The following PBX1 variants were observed in gnomAD, a reference collection of about 807,000 sequenced individuals.
The protein encoded by PBX1 is pre-B-cell leukemia transcription factor 1.
Under a neutral mutation model 53.4 loss-of-function variants are expected in PBX1, and 6 were observed. That is an observed-to-expected ratio of 0.11 (90% CI 0.06 to 0.22). The LOEUF is 0.22. PBX1 is among the 10% of genes least tolerant of loss of function. The probability of loss-of-function intolerance (pLI) is 1.00; values close to 1 mark genes in which losing one functional copy is unlikely to be tolerated. For missense variants in PBX1, 251 were observed against 551.4 expected (o/e 0.46, Z 5.46); for synonymous variants, 204 against 212.3 (o/e 0.96, Z 0.34).
chr1:164,729,921 A>AT (rs1664893042), intron 2 of PBX1, among the ~76,000 whole-genome samples: 1 of 152,232 alleles, frequency 6.6e-6, no homozygotes, highest in African/African-American at 2.4e-5. Flanking sequence ...TCGTTGTCTC[A>AT]TTTAATCTTC....
chr1:164,735,921 A>G (rs568665005), intron 2 of PBX1, among the ~76,000 whole-genome samples: 114 of 152,336 alleles, frequency 7.5e-4, no homozygotes, highest in Middle Eastern at 3.4e-3. Context: ...AGCAGTAGCC[A>G]CTACAGGCCA....
chr1:164,873,340 C>T (rs757561556), intron 2 of PBX1, among the ~76,000 whole-genome samples: 19 of 152,332 alleles, frequency 1.2e-4, no homozygotes, highest in Non-Finnish European at 1.8e-4. Flanking sequence ...CACTATTATC[C>T]TAAGAAGTAG....
chr1:164,682,870 A>G (rs1196647460), intron 2 of PBX1: 1 of 152,276 alleles, frequency 6.6e-6, no homozygotes, highest in Non-Finnish European at 1.5e-5. Context: ...CCTTCCTTGC[A>G]GATGGGATCC....
At chr1:164,690,876 C>T (rs919069610) in intron 2 of PBX1, among the ~76,000 whole-genome samples, 3 of 151,938 alleles carry the variant, frequency 2.0e-5, no homozygotes, top group African/African-American at 7.3e-5. Flanking sequence ...GGTGGAGATT[C>T]GGAGAGGCTT....
chr1:164,786,244 G>T (rs954285532), intron 2 of PBX1, among the ~76,000 whole-genome samples: 1 of 152,142 alleles, frequency 6.6e-6, no homozygotes, highest in African/African-American at 2.4e-5. Context: ...TTAGTGTCAG[G>T]GGCCCTGTGA....
At chr1:164,802,647 G>C (rs1282994983) in intron 4 of PBX1, among the ~76,000 whole-genome samples, 1 of 152,082 alleles carries the variant, frequency 6.6e-6, no homozygotes, top group African/African-American at 2.4e-5. Context: ...TTGGAATTCT[G>C]TCCACCACAC....
intron 1 of PBX1, among the ~76,000 whole-genome samples, chr1:164,561,481 A>G (rs1478248181): frequency 1.3e-5 from 2 of 152,238 alleles, no homozygotes; most frequent in African/African-American, 4.8e-5. Flanking sequence ...GAATTTTATT[A>G]TCTGAAGAAA....
chr1:164,708,460 A>G (rs866987784), intron 2 of PBX1, among the ~76,000 whole-genome samples: 3 of 152,146 alleles, frequency 2.0e-5, no homozygotes, highest in Non-Finnish European at 4.4e-5. Context: ...GGCATATTAT[A>G]TAATGCTGGG....
intron 2 of PBX1, among the ~76,000 whole-genome samples, chr1:164,636,840 C>T (rs1396483447): frequency 2.0e-5 from 3 of 151,908 alleles, no homozygotes; most frequent in African/African-American, 4.8e-5. Context: ...GGGGAGAAAC[C>T]GTGGGCTGAG....
intron 1 of PBX1, 28 bp from the exon 2 acceptor site, chr1:164,563,210 A>G (rs774365161): frequency 8.4e-6 from 13 of 1,548,412 alleles, no homozygotes; most frequent in Middle Eastern, 1.7e-4. Flanking sequence ...GAGTCCACCT[A>G]AGCTATCATG....
Position 164,848,600 on chromosome 1 carries a change from G to T in PBX1, c.*1924G>T, listed in dbSNP as rs2102424388. ...AGTTATTGTTGATCTTCTTGGTTTTGGTCTGTCTCTTTTCTTAGGATAAAG... is the reference window on the plus strand; with the variant it reads ...AGTTATTGTTGATCTTCTTGGTTTTTGTCTGTCTCTTTTCTTAGGATAAAG... On this transcript the variant is annotated 3_prime_UTR_variant, in exon 9 of 9. Coordinates refer to ENST00000420696, the MANE Select transcript of PBX1 (RefSeq NM_002585.4). 1 of 1,058,012 alleles carries T rather than the reference G, an allele frequency of 9.5e-7. No homozygotes were observed. Among genetic ancestry groups the T allele is most frequent in the Non-Finnish European group, 1.1e-6 (1 of 874,828 alleles). 65.5% of individuals were successfully genotyped at this position (1,058,012 alleles called of 1,614,324 possible). A position where few individuals can be genotyped will look rare whatever the true frequency, so the allele number is the denominator to read the frequency against.
chr1:164,874,202 C>G (rs939300461), intron 2 of PBX1, among the ~76,000 whole-genome samples: 1 of 152,190 alleles, frequency 6.6e-6, no homozygotes, highest in African/African-American at 2.4e-5. Context: ...TATCTTCACC[C>G]TATAGAATAT....
downstream of PBX1, among the ~76,000 whole-genome samples, chr1:164,856,032 C>T (rs1029484160): frequency 2.0e-5 from 3 of 152,144 alleles, no homozygotes; most frequent in Non-Finnish European, 4.4e-5. Flanking sequence ...TATGTTTATC[C>T]CTGTACCACT....
At chr1:164,720,219 T>A (rs1664328672) in intron 2 of PBX1, among the ~76,000 whole-genome samples, 1 of 152,202 alleles carries the variant, frequency 6.6e-6, no homozygotes, top group Non-Finnish European at 1.5e-5. Flanking sequence ...TAGAAAATCC[T>A]TCCTTCATTG....
At chr1:164,777,669 T>C (rs565140200) in intron 2 of PBX1, among the ~76,000 whole-genome samples, 153 of 152,344 alleles carry the variant, frequency 1.0e-3, no homozygotes, top group Non-Finnish European at 1.8e-3. Flanking sequence ...TACATCCCTG[T>C]CACTTAAAGG....
chr1:164,775,579 C>T (rs753548719), intron 2 of PBX1, among the ~76,000 whole-genome samples: 1 of 151,936 alleles, frequency 6.6e-6, no homozygotes, highest in African/African-American at 2.4e-5. Flanking sequence ...GTGCAGTCTA[C>T]GAAGCCCTTG....
intron 2 of PBX1, among the ~76,000 whole-genome samples, chr1:164,865,286 C>T (rs545585299): frequency 6.6e-6 from 1 of 152,286 alleles, no homozygotes; most frequent in Admixed American, 6.5e-5. Context: ...TGCCCTAAAG[C>T]ATTCTCAAAG....
In PBX1 at chr1:164,616,803, A is replaced by G. The variant is rs1229615952; in HGVS notation, c.265+53492A>G. Reference sequence around the variant, plus strand: ...TATGTATTGATACTCATCATGTGCTAGGCATAGTGCTAAACCCATTGACAT... The same window carrying G: ...TATGTATTGATACTCATCATGTGCTGGGCATAGTGCTAAACCCATTGACAT... On this transcript the variant is annotated intron_variant, in intron 2 of 8. Coordinates refer to ENST00000420696, the MANE Select transcript of PBX1 (RefSeq NM_002585.4). Among the ~76,000 whole-genome samples, 3 of 152,234 alleles carry G rather than the reference A, an allele frequency of 2.0e-5. No homozygotes were observed. In the East Asian group the frequency reaches 5.8e-4, roughly 29 times the overall value.
At chr1:164,608,040 C>T (rs1224051103) in intron 2 of PBX1, among the ~76,000 whole-genome samples, 1 of 152,160 alleles carries the variant, frequency 6.6e-6, no homozygotes, top group Non-Finnish European at 1.5e-5. Flanking sequence ...ATTTCATGTT[C>T]CAAGTCTGAG....
Sources: allele counts gnomAD v4.1 joint callset (sites outside exome capture counted in the v4.1 genomes callset), GRCh38; gene constraint gnomAD v4.1.1; transcripts MANE v1.5; gene names NCBI Gene and HGNC (gene_info 2026-07-23, HGNC 2026-07-21).